The following SOD2 variants were observed in gnomAD, a reference collection of about 807,000 sequenced individuals.
SOD2 encodes the protein superoxide dismutase [Mn], mitochondrial.
Under a neutral mutation model 27.0 loss-of-function variants are expected in SOD2, and 11 were observed. That is an observed-to-expected ratio of 0.41 (90% confidence interval 0.26 to 0.67). The LOEUF (loss-of-function observed/expected upper bound fraction) is 0.67, where lower values mean the gene tolerates loss of function less well. Among genes scored for constraint, SOD2 ranks in the 30% least tolerant of loss-of-function variants. The probability of loss-of-function intolerance (pLI) is 0.34; values close to 1 mark genes in which losing one functional copy is unlikely to be tolerated. For synonymous variants in SOD2, 105 were observed against 103.0 expected, an observed-to-expected ratio of 1.02 and a Z score of -0.12; for missense variants, 250 against 274.5, an observed-to-expected ratio of 0.91 and a Z score of 0.63.
intron 4 of SOD2, among the ~76,000 whole-genome samples, chr6:159,683,429 G>T (rs984149141): frequency 1.3e-5 from 2 of 152,166 alleles, no homozygotes; most frequent in African/African-American, 4.8e-5. Flanking sequence ...AAGTTGTAGT[G>T]AGCCAAGATT....
intron 1 of SOD2, among the ~76,000 whole-genome samples, chr6:159,702,175 G>A (rs1777532806): frequency 1.3e-5 from 2 of 152,114 alleles, no homozygotes; most frequent in Admixed American, 1.3e-4. Flanking sequence ...ATGCTGCTAC[G>A]CATTTGTAGT....
chr6:159,702,850 GAAAAAA>G (rs35570449), intron 1 of SOD2, among the ~76,000 whole-genome samples: 1 of 30,666 alleles, frequency 3.3e-5, no homozygotes, highest in African/African-American at 1.1e-4. Flanking sequence ...ACCCTATCTC[GAAAAAA>G]AAAAAAAAAA....
chr6:159,696,035 G>A (rs1338498974), upstream of SOD2, among the ~76,000 whole-genome samples: 5 of 152,228 alleles, frequency 3.3e-5, no homozygotes, highest in Non-Finnish European at 7.3e-5. Flanking sequence ...AATGTGGGTT[G>A]AGATGAAGTC....
chr6:159,689,875 G>C (rs1240094239), intron 2 of SOD2, among the ~76,000 whole-genome samples: 1 of 151,570 alleles, frequency 6.6e-6, no homozygotes, highest in East Asian at 1.9e-4. Flanking sequence ...CAGGAGAATG[G>C]CTTGAACCCA....
At chr6:159,752,078 A>G (rs1382450681) in intron 1 of SOD2, among the ~76,000 whole-genome samples, 1 of 151,654 alleles carries the variant, frequency 6.6e-6, no homozygotes, top group Admixed American at 6.6e-5. Flanking sequence ...AAAAAAAAAA[A>G]TGCTGTAGGT....
At chr6:159,735,179 C>T (rs935611116) in intron 1 of SOD2, among the ~76,000 whole-genome samples, 1 of 152,172 alleles carries the variant, frequency 6.6e-6, no homozygotes, top group African/African-American at 2.4e-5. Flanking sequence ...GTCTCTGTTG[C>T]CCAGGCTGGA....
intron 1 of SOD2, among the ~76,000 whole-genome samples, chr6:159,707,899 A>C (rs1317245792): frequency 6.6e-6 from 1 of 152,198 alleles, no homozygotes; most frequent in Non-Finnish European, 1.5e-5. Context: ...ATCCAGCAGC[A>C]CATCCAAAAG....
intron 1 of SOD2, among the ~76,000 whole-genome samples, chr6:159,698,620 A>G (rs1777471879): frequency 6.6e-6 from 1 of 151,644 alleles, no homozygotes; most frequent in South Asian, 2.1e-4. Context: ...TTTAGAAAAA[A>G]AAAAAAACAA....
In SOD2 at chr6:159,692,344, C is replaced by T. The variant is rs1489672583; in HGVS notation, c.226+317G>A. The T allele has an allele frequency of 1.2e-5, 14 of 1,153,090 alleles. No homozygotes were observed. In the Admixed American group the frequency reaches 4.1e-4, roughly 34 times the overall value. The allele number at this position is 1,153,090 out of a possible 1,614,324, so 71.4% of individuals were successfully genotyped here. A position where few individuals can be genotyped will look rare whatever the true frequency, so the allele number is the denominator to read the frequency against. On this transcript the variant is annotated intron_variant, in intron 2 of 4. Coordinates refer to ENST00000538183, the MANE Select transcript of SOD2 (RefSeq NM_000636.4). ...AAAAAAAACGAGTGACACAGTAGAG[C>T]TTTCTTTTCAGGCCCTACAATTCAC...
At chr6:159,722,101 G>C (rs1476643755) in intron 1 of SOD2, among the ~76,000 whole-genome samples, 1 of 152,102 alleles carries the variant, frequency 6.6e-6, no homozygotes, top group African/African-American at 2.4e-5. Context: ...GGGTAGGTTG[G>C]GAGCAGTGGC....
intron 1 of SOD2, chr6:159,739,117 C>A: frequency 8.1e-7 from 1 of 1,237,650 alleles, no homozygotes; most frequent in South Asian, 1.4e-5. Flanking sequence ...CTGTAATTGT[C>A]TTTGTGCCAG....
intron 1 of SOD2, chr6:159,739,102 C>G (rs1481191969): frequency 1.5e-6 from 2 of 1,344,736 alleles, no homozygotes; most frequent in African/African-American, 1.5e-5. Context: ...TATTGTGACT[C>G]TACACTGTAA....
intron 1 of SOD2, among the ~76,000 whole-genome samples, chr6:159,753,769 GCAAA>G (rs891698022): frequency 1.3e-5 from 2 of 152,114 alleles, no homozygotes; most frequent in African/African-American, 2.4e-5. Context: ...AGTTGAGTCC[GCAAA>G]CAAAGCCATA....
chr6:159,745,506 T>C (rs1423510139), upstream of SOD2, among the ~76,000 whole-genome samples: 2 of 151,966 alleles, frequency 1.3e-5, no homozygotes, highest in Non-Finnish European at 2.9e-5. Context: ...CTTCCAATTA[T>C]AATACAAGTG....
intron 1 of SOD2, chr6:159,760,269 T>C (rs1780095754): frequency 6.6e-6 from 1 of 152,158 alleles, no homozygotes; most frequent in African/African-American, 2.4e-5. Flanking sequence ...TTGATGTGCT[T>C]ATAGGAAATT....
chr6:159,696,512 G>T (rs1225040260), upstream of SOD2, among the ~76,000 whole-genome samples: 1 of 151,904 alleles, frequency 6.6e-6, no homozygotes, highest in Non-Finnish European at 1.5e-5. Flanking sequence ...TGGAGATGGG[G>T]TTTCACCATG....
intron 1 of SOD2, chr6:159,726,708 A>G (rs1778184579): frequency 4.1e-6 from 5 of 1,219,522 alleles, no homozygotes; most frequent in Non-Finnish European, 5.3e-6. Flanking sequence ...CGCCGCGGAC[A>G]CAGCGCAACC....
intron 2 of SOD2, among the ~76,000 whole-genome samples, chr6:159,689,315 C>A (rs1046625935): frequency 6.6e-6 from 1 of 152,160 alleles, no homozygotes; most frequent in Non-Finnish European, 1.5e-5. Flanking sequence ...ATCAGTGAAG[C>A]CTTCTCTAGC....
rs1288141684 is a variant in SOD2, at chr6:159,680,078, A to G, written c.*2415T>C. 1 of 152,248 alleles carries G rather than the reference A, an allele frequency of 6.6e-6. No homozygotes were observed. The highest frequency in any genetic ancestry group is 1.5e-5 in the Non-Finnish European group (1 of 68,050). The allele number at this position is 152,248 out of a possible 1,614,324, so 9.4% of individuals were successfully genotyped here. On this transcript the variant is annotated 3_prime_UTR_variant, in exon 5 of 5. Transcript: ENST00000538183. ...TTCCTCACTCTCTCACCAGAAAGCC[A>G]AAGCAAAAATAGAGCCCCACAGAAA...
Sources: allele counts gnomAD v4.1 joint callset (sites outside exome capture counted in the v4.1 genomes callset), GRCh38; gene constraint gnomAD v4.1.1; transcripts MANE v1.5; gene names NCBI Gene and HGNC (gene_info 2026-07-23, HGNC 2026-07-21).